ANKRD17: variants seen among roughly 807,000 people sequenced by gnomAD.
ANKRD17 encodes ankyrin repeat domain 17, also known as ankyrin repeat domain-containing protein 17.
ANKRD17 carries 19 observed loss-of-function variants against 229.7 expected under a neutral mutation model. That is an observed-to-expected ratio of 0.08 (90% CI 0.06 to 0.12). The LOEUF is 0.12. ANKRD17 is among the 10% of genes least tolerant of loss of function. ANKRD17 has a pLI of 1.00. For synonymous variants in ANKRD17, 1,112 were observed against 1,146.1 expected (o/e 0.97, Z 0.60); for missense variants, 2,176 against 3,176.8 (o/e 0.68, Z 7.57).
At chr4:73,205,663 T>A (rs1259103050) in intron 1 of ANKRD17, among the ~76,000 whole-genome samples, 1 of 152,096 alleles carries the variant, frequency 6.6e-6, no homozygotes, top group African/African-American at 2.4e-5. Flanking sequence ...GGGGAAAAGC[T>A]CCATGACACT....
At chr4:73,227,320 A>G (rs1578464762) in intron 1 of ANKRD17, among the ~76,000 whole-genome samples, 5 of 151,960 alleles carry the variant, frequency 3.3e-5, no homozygotes. Flanking sequence ...CGCCTGGCTC[A>G]TTTTTGCATT....
intron 24 of ANKRD17, chr4:73,102,908 C>T (rs1724181488): frequency 5.6e-6 from 1 of 179,456 alleles, no homozygotes; most frequent in African/African-American, 2.4e-5. Flanking sequence ...ACTGAATTCT[C>T]TCCTGTACTG....
intron 1 of ANKRD17, among the ~76,000 whole-genome samples, chr4:73,230,882 C>T (rs540389653): frequency 6.6e-6 from 1 of 152,230 alleles, no homozygotes; most frequent in South Asian, 2.1e-4. Context: ...ATTCTTTTTC[C>T]AGCATTTCAC....
intron 1 of ANKRD17, among the ~76,000 whole-genome samples, chr4:73,248,743 G>T (rs1330308506): frequency 1.3e-5 from 2 of 151,764 alleles, no homozygotes; most frequent in African/African-American, 4.8e-5. Context: ...AACATATACA[G>T]CTATAATTTT....
At chr4:73,114,607 C>T (rs1403776980) in intron 23 of ANKRD17, among the ~76,000 whole-genome samples, 2 of 152,104 alleles carry the variant, frequency 1.3e-5, no homozygotes, top group Middle Eastern at 3.4e-3. Flanking sequence ...CTAATGCGTA[C>T]CTGAGACTAC....
chr4:73,238,545 A>G (rs1372091795), intron 1 of ANKRD17, among the ~76,000 whole-genome samples: 3 of 152,152 alleles, frequency 2.0e-5, no homozygotes, highest in Non-Finnish European at 4.4e-5. Context: ...AGCAGTATTA[A>G]CTAGCTACAT....
At chr4:73,174,237 G>GAGA (rs1254051794) in intron 2 of ANKRD17, among the ~76,000 whole-genome samples, 1 of 152,090 alleles carries the variant, frequency 6.6e-6, no homozygotes, top group Non-Finnish European at 1.5e-5. Flanking sequence ...AATATACCTT[G>GAGA]ATCAAATGGG....
chr4:73,113,314 G>C (rs1725554483), intron 24 of ANKRD17: 1 of 1,289,250 alleles, frequency 7.8e-7, no homozygotes, highest in South Asian at 1.2e-5. Context: ...TAGTCTGCCT[G>C]AAAGAGAAAA....
intron 30 of ANKRD17, among the ~76,000 whole-genome samples, chr4:73,084,148 G>C (rs538750743): frequency 3.7e-4 from 57 of 152,112 alleles, no homozygotes; most frequent in Admixed American, 1.3e-4. Context: ...TTGGGAAGCC[G>C]AGGTGGGCAG....
intron 1 of ANKRD17, among the ~76,000 whole-genome samples, chr4:73,229,174 C>T (rs974842727): frequency 1.3e-5 from 2 of 152,026 alleles, no homozygotes; most frequent in African/African-American, 2.4e-5. Context: ...AGGAGATATA[C>T]CTAATGTAAA....
At chr4:73,136,330 G>C (rs544610872) in intron 15 of ANKRD17, among the ~76,000 whole-genome samples, 2 of 152,106 alleles carry the variant, frequency 1.3e-5, no homozygotes, top group East Asian at 3.9e-4. Context: ...TTCACAACTG[G>C]ATCTGAAACC....
intron 20 of ANKRD17, 95 bp from the exon 21 acceptor site, chr4:73,120,432 A>G: frequency 1.7e-6 from 2 of 1,160,164 alleles, no homozygotes; most frequent in Non-Finnish European, 2.4e-6. Flanking sequence ...AATATGATAC[A>G]GCTGTTACCA....
At chr4:73,257,373 A>C (rs1219874487) in intron 1 of ANKRD17, among the ~76,000 whole-genome samples, 1 of 152,180 alleles carries the variant, frequency 6.6e-6, no homozygotes, top group African/African-American at 2.4e-5. Flanking sequence ...AGGAAAAATT[A>C]TAAAGTTATT....
intron 1 of ANKRD17, among the ~76,000 whole-genome samples, chr4:73,216,283 T>A (rs901923194): frequency 1.3e-5 from 2 of 152,208 alleles, no homozygotes; most frequent in African/African-American, 4.8e-5. Flanking sequence ...TAAATGTTTT[T>A]AAATTTTTCT....
intron 1 of ANKRD17, among the ~76,000 whole-genome samples, chr4:73,210,731 T>C (rs1740139832): frequency 1.3e-5 from 2 of 152,084 alleles, no homozygotes; most frequent in Admixed American, 6.6e-5. Flanking sequence ...AGTTATCTAC[T>C]ACCTGGAGTA....
chr4:73,103,208 G>A (rs924413724), intron 24 of ANKRD17, among the ~76,000 whole-genome samples: 3 of 151,430 alleles, frequency 2.0e-5, no homozygotes, highest in Non-Finnish European at 4.4e-5. Flanking sequence ...ACATTTGTTA[G>A]GAGAAAAAAA....
chr4:73,206,941 A>G (rs1739546616), intron 1 of ANKRD17, among the ~76,000 whole-genome samples: 1 of 152,128 alleles, frequency 6.6e-6, no homozygotes, highest in Admixed American at 6.5e-5. Context: ...CTCCAGCCTC[A>G]GCCTCCCGAA....
intron 15 of ANKRD17, among the ~76,000 whole-genome samples, chr4:73,137,830 T>C (rs1419474445): frequency 3.3e-5 from 5 of 152,236 alleles, no homozygotes; most frequent in African/African-American, 9.6e-5. Context: ...TACACAGAAT[T>C]GTTTTTGTTT....
In ANKRD17 at chr4:73,226,062, G is replaced by A. The variant is rs376745813; in HGVS notation, c.393+32214C>T. On this transcript the variant is annotated intron_variant, in intron 1 of 33. Coordinates refer to ENST00000358602, the MANE Select transcript of ANKRD17 (RefSeq NM_032217.5). ...ACAATCTCGGCTCACAGCAACCTCC[G>A]TCTCCCAGGTTCAAGCAATTCTCCT... Among the ~76,000 whole-genome samples the A allele has an allele frequency of 2.9e-4, 37 of 129,508 alleles. No individual in the cohort carries two copies. The East Asian group carries it at 4.1e-3, about 14-fold the overall frequency. 85.0% of individuals were successfully genotyped at this position (129,508 alleles called of 152,430 possible). A position where few individuals can be genotyped will look rare whatever the true frequency, so the allele number is the denominator to read the frequency against.
Sources: gnomAD v4.1 joint callset for allele counts (sites outside exome capture counted in the v4.1 genomes callset) on GRCh38, gnomAD v4.1.1 for gene constraint, MANE v1.5 for transcripts, NCBI Gene and HGNC (gene_info 2026-07-23, HGNC 2026-07-21) for gene names.